Variants in NKAIN2 observed in about 807,000 individuals in gnomAD.
The protein encoded by NKAIN2 is sodium/potassium-transporting ATPase subunit beta-1-interacting protein 2.
Under a neutral mutation model 32.6 loss-of-function variants are expected in NKAIN2, and 14 were observed. That is an observed-to-expected ratio of 0.43 (90% CI 0.28 to 0.67). The LOEUF (loss-of-function observed/expected upper bound fraction) is 0.67, where lower values mean the gene tolerates loss of function less well. NKAIN2 is among the 30% of genes least tolerant of loss of function. The pLI is 0.17. For synonymous variants in NKAIN2, 80 were observed against 87.2 expected (o/e 0.92, Z 0.46); for missense variants, 198 against 258.3 (o/e 0.77, Z 1.60).
chr6:124,573,353 A>G (rs1384937920), intron 3 of NKAIN2, among the ~76,000 whole-genome samples: 3 of 151,860 alleles, frequency 2.0e-5, no homozygotes, highest in Admixed American at 6.6e-5. Context: ...ATCTTACTCA[A>G]TTATTTCTTC....
At chr6:124,485,547 T>C (rs1777616809) in intron 3 of NKAIN2, among the ~76,000 whole-genome samples, 1 of 152,110 alleles carries the variant, frequency 6.6e-6, no homozygotes, top group Non-Finnish European at 1.5e-5. Context: ...TTTTATTATA[T>C]AAAATATAAC....
rs576071940 is a variant in NKAIN2, at chr6:124,379,530, G to C, written c.273+24183G>C. The stretch of plus-strand genomic sequence containing the variant: ...CTTTCTTTTTTTCTGAATTGGCCCC[G>C]ATACAGGTTTTATATGCAGTAAGAA... On this transcript the variant is annotated intron_variant, in intron 3 of 6. Transcript: ENST00000368417. Among the ~76,000 whole-genome samples, 30 of 152,078 alleles carry C rather than the reference G, an allele frequency of 2.0e-4. No individual in the cohort carries two copies. The South Asian group carries it at 5.8e-3, about 29-fold the overall frequency.
chr6:124,522,597 T>C (rs1220749231), intron 3 of NKAIN2, among the ~76,000 whole-genome samples: 1 of 152,186 alleles, frequency 6.6e-6, no homozygotes, highest in East Asian at 1.9e-4. Flanking sequence ...ACCTGTGGTT[T>C]CCTCTTATTT....
chr6:124,101,524 A>G lies in NKAIN2; in HGVS notation c.55-181481A>G, dbSNP rs111879015. Among the ~76,000 whole-genome samples, 92 of 152,170 alleles carry G rather than the reference A, an allele frequency of 6.0e-4. No homozygotes were observed. The East Asian group carries it at 7.3e-3, about 12-fold the overall frequency. ...TCTTTTTTATTTTTTTAGGAGTATC[A>G]TTTCTATTAATTTATTGTTATAAAT... On this transcript the variant is annotated intron_variant, in intron 1 of 6. Transcript: ENST00000368417.
In NKAIN2 at chr6:124,824,579, T is replaced by G. The variant is rs577881542; in HGVS notation, c.*1350T>G. 1 of 152,344 alleles carries G rather than the reference T, an allele frequency of 6.6e-6. No individual in the cohort carries two copies. Among genetic ancestry groups the G allele is most frequent in the South Asian group, 2.1e-4 (1 of 4,832 alleles). 9.4% of individuals were successfully genotyped at this position (152,344 alleles called of 1,614,324 possible). A position where few individuals can be genotyped will look rare whatever the true frequency, so the allele number is the denominator to read the frequency against. On this transcript the variant is annotated 3_prime_UTR_variant, in exon 7 of 7. Transcript: ENST00000368417. ...AACTCCTAGGAAATTTTGTTCTATA[T>G]TTTAAAGCATTATTTGGTTTTCATT... is the stretch of plus-strand genomic sequence containing the variant.
intron 3 of NKAIN2, among the ~76,000 whole-genome samples, chr6:124,506,686 C>T (rs1417065830): frequency 1.3e-5 from 2 of 151,878 alleles, no homozygotes; most frequent in South Asian, 2.1e-4. Context: ...TCTCTGTAAA[C>T]TACTGGTATC....
chr6:124,543,973 A>G (rs1780000065), intron 3 of NKAIN2, among the ~76,000 whole-genome samples: 1 of 152,226 alleles, frequency 6.6e-6, no homozygotes, highest in Non-Finnish European at 1.5e-5. Flanking sequence ...GTTTGTCAGG[A>G]CAAAACTTGT....
At chr6:123,937,201 C>G (rs1446826015) in intron 1 of NKAIN2, among the ~76,000 whole-genome samples, 1 of 152,136 alleles carries the variant, frequency 6.6e-6, no homozygotes, top group African/African-American at 2.4e-5. Context: ...GTCTCTGCCT[C>G]ATACCTCAGG....
intron 1 of NKAIN2, among the ~76,000 whole-genome samples, chr6:123,967,090 G>C (rs1427480396): frequency 3.3e-5 from 5 of 152,160 alleles, no homozygotes; most frequent in Admixed American, 3.3e-4. Flanking sequence ...ACACAGGACT[G>C]CTCTTTAAGT....
At chr6:124,583,294 A>T (rs1328426588) in intron 3 of NKAIN2, among the ~76,000 whole-genome samples, 1 of 152,014 alleles carries the variant, frequency 6.6e-6, no homozygotes, top group African/African-American at 2.4e-5. Context: ...CAAAATCAAC[A>T]TATAAAAATC....
chr6:124,010,897 T>C (rs990915361), intron 1 of NKAIN2, among the ~76,000 whole-genome samples: 2 of 152,158 alleles, frequency 1.3e-5, no homozygotes, highest in African/African-American at 4.8e-5. Context: ...TTTCTCACAG[T>C]TAATTTCAGC....
intron 3 of NKAIN2, among the ~76,000 whole-genome samples, chr6:124,385,888 A>C (rs1370706775): frequency 6.6e-6 from 1 of 151,446 alleles, no homozygotes; most frequent in Non-Finnish European, 1.5e-5. Context: ...AAAATAGAAC[A>C]AAAAGATAAA....
At chr6:124,150,037 A>C (rs1787624179) in intron 1 of NKAIN2, among the ~76,000 whole-genome samples, 1 of 151,926 alleles carries the variant, frequency 6.6e-6, no homozygotes, top group Non-Finnish European at 1.5e-5. Flanking sequence ...GTTTAAAATA[A>C]ATTCCCCCAC....
chr6:123,931,729 A>G (rs1776261742), intron 1 of NKAIN2, among the ~76,000 whole-genome samples: 2 of 152,190 alleles, frequency 1.3e-5, no homozygotes, highest in South Asian at 2.1e-4. Context: ...AGAGAACAAT[A>G]AAAACATAAA....
chr6:124,164,654 A>G (rs1788447177), intron 1 of NKAIN2, among the ~76,000 whole-genome samples: 1 of 152,014 alleles, frequency 6.6e-6, no homozygotes, highest in Admixed American at 6.6e-5. Context: ...ATTTATGTGC[A>G]TTATTTTTTT....
At chr6:124,051,531 C>T (rs1225470306) in intron 1 of NKAIN2, among the ~76,000 whole-genome samples, 2 of 151,958 alleles carry the variant, frequency 1.3e-5, no homozygotes, top group East Asian at 3.9e-4. Flanking sequence ...CCCATTAACT[C>T]GTCATTTACA....
At chr6:123,853,818 G>A (rs1423060427) in intron 1 of NKAIN2, among the ~76,000 whole-genome samples, 2 of 149,312 alleles carry the variant, frequency 1.3e-5, no homozygotes, top group Admixed American at 6.7e-5. Context: ...TGTTGCCCAA[G>A]CTGGAGTGCA....
chr6:123,909,156 C>G (rs928916470), intron 1 of NKAIN2, among the ~76,000 whole-genome samples: 1 of 152,096 alleles, frequency 6.6e-6, no homozygotes, highest in African/African-American at 2.4e-5. Context: ...TAACCTGTCT[C>G]TGAGTCTTCT....
chr6:124,400,921 G>C (rs1773598233), intron 3 of NKAIN2, among the ~76,000 whole-genome samples: 1 of 151,966 alleles, frequency 6.6e-6, no homozygotes, highest in Non-Finnish European at 1.5e-5. Context: ...AAGAAGCATT[G>C]CTAAATGTTA....
Sources: gnomAD v4.1 joint callset for allele counts (sites outside exome capture counted in the v4.1 genomes callset) on GRCh38, gnomAD v4.1.1 for gene constraint, MANE v1.5 for transcripts, NCBI Gene and HGNC (gene_info 2026-07-23, HGNC 2026-07-21) for gene names.